The following FOXJ3 variants were observed in gnomAD, a reference collection of about 807,000 sequenced individuals.
The protein encoded by FOXJ3 is forkhead box J3, also known as forkhead box protein J3.
FOXJ3 carries 22 observed loss-of-function variants against 76.1 expected under a neutral mutation model. The observed-to-expected ratio is 0.29, with a 90% CI of 0.21 to 0.41. The LOEUF is 0.41. FOXJ3 is among the 10% of genes least tolerant of loss of function. FOXJ3 has a pLI of 1.00. For synonymous variants in FOXJ3, 269 were observed against 261.2 expected (o/e 1.03, Z -0.29); for missense variants, 613 against 762.1 (o/e 0.80, Z 2.30).
rs187045944 is a variant in FOXJ3 at position 42,207,917 on chromosome 1, A to C, written c.529-2054T>G. Among the ~76,000 whole-genome samples, 47 of 152,352 alleles carry C rather than the reference A, an allele frequency of 3.1e-4. 2 individuals carry two copies. Among genetic ancestry groups the C allele is most frequent in the Non-Finnish European group, 8.8e-5 (6 of 68,014 alleles). ...AGTTTTGGTGCCAGCCAACCAAGCT[A>C]TAATTAAGTTAACACAGAAGATTAC... On this transcript the variant is annotated intron_variant, in intron 5 of 12. Coordinates refer to ENST00000361346, the MANE Select transcript of FOXJ3 (RefSeq NM_014947.5).
intron 7 of FOXJ3, among the ~76,000 whole-genome samples, chr1:42,197,049 C>T (rs1646664838): frequency 6.6e-6 from 1 of 152,042 alleles, no homozygotes; most frequent in Non-Finnish European, 1.5e-5. Context: ...CACATGAAAA[C>T]AAGGGCAGGA....
intron 1 of FOXJ3, among the ~76,000 whole-genome samples, chr1:42,314,285 T>C (rs1221452125): frequency 6.6e-6 from 1 of 152,188 alleles, no homozygotes; most frequent in Non-Finnish European, 1.5e-5. Context: ...GTTTTCACTC[T>C]TGCTGCCCAG....
At chr1:42,301,353 G>A (rs566910910) in intron 2 of FOXJ3, among the ~76,000 whole-genome samples, 1 of 151,798 alleles carries the variant, frequency 6.6e-6, no homozygotes, top group South Asian at 2.1e-4. Flanking sequence ...ACGCCACAAT[G>A]CCCTGCTAAT....
chr1:42,316,572 A>G (rs911612071), intron 1 of FOXJ3, among the ~76,000 whole-genome samples: 2 of 151,732 alleles, frequency 1.3e-5, no homozygotes, highest in African/African-American at 4.8e-5. Context: ...GTAGCTGAAG[A>G]CTCAAGACTG....
At chr1:42,212,957 C>CAA (rs1209892066) in intron 5 of FOXJ3, among the ~76,000 whole-genome samples, 5,166 of 64,604 alleles carry the variant, frequency 0.08, 916 homozygotes, top group East Asian at 0.24. Context: ...TTGTATCTAG[C>CAA]AAAAAAAAAA....
chr1:42,311,611 T>C (rs939944355), intron 1 of FOXJ3, among the ~76,000 whole-genome samples: 4 of 147,248 alleles, frequency 2.7e-5, no homozygotes, highest in Admixed American at 6.8e-5. Flanking sequence ...TCACAAAGAT[T>C]TCATCTAAGA....
At chr1:42,257,230 A>T (rs1424779403) in intron 4 of FOXJ3, among the ~76,000 whole-genome samples, 1 of 152,260 alleles carries the variant, frequency 6.6e-6, no homozygotes, top group Non-Finnish European at 1.5e-5. Context: ...AAGAAAGATC[A>T]CAAGAATTCT....
chr1:42,191,149 C>T (rs987261380), intron 9 of FOXJ3, among the ~76,000 whole-genome samples, 154 bp downstream of exon 9: 2 of 151,874 alleles, frequency 1.3e-5, no homozygotes, highest in Non-Finnish European at 2.9e-5. Context: ...GTCGCCAGGT[C>T]AGTCTATGAA....
intron 7 of FOXJ3, among the ~76,000 whole-genome samples, chr1:42,198,372 T>C (rs980941195): frequency 5.9e-5 from 9 of 152,212 alleles, no homozygotes; most frequent in South Asian, 4.1e-4. Flanking sequence ...CCTCCCTTTA[T>C]ATCTTTGTCC....
intron 1 of FOXJ3, chr1:42,315,358 C>CT: frequency 1.1e-6 from 1 of 929,240 alleles, no homozygotes; most frequent in Non-Finnish European, 1.3e-6. Flanking sequence ...GAATAAAAAG[C>CT]TAATTTTTTT....
At chr1:42,292,839 G>A (rs1212180391) in intron 2 of FOXJ3, among the ~76,000 whole-genome samples, 1 of 152,180 alleles carries the variant, frequency 6.6e-6, no homozygotes, top group Non-Finnish European at 1.5e-5. Context: ...GGTGGCTCAC[G>A]CCTGTAATCC....
chr1:42,279,721 G>A (rs1570142608), intron 2 of FOXJ3, among the ~76,000 whole-genome samples: 1 of 151,950 alleles, frequency 6.6e-6, no homozygotes, highest in African/African-American at 2.4e-5. Flanking sequence ...TGGGATCAAA[G>A]AAGCAGGAAT....
chr1:42,274,382 G>A (rs1198778654), intron 3 of FOXJ3, among the ~76,000 whole-genome samples: 2 of 152,082 alleles, frequency 1.3e-5, no homozygotes, highest in Non-Finnish European at 2.9e-5. Context: ...AGCCAGTTGA[G>A]GGGAGTTTAT....
At chr1:42,303,407 T>G (rs1185223558) in intron 2 of FOXJ3, among the ~76,000 whole-genome samples, 2 of 152,190 alleles carry the variant, frequency 1.3e-5, no homozygotes, top group East Asian at 3.8e-4. Context: ...TACATTATCT[T>G]AAGTCTATAC....
At chr1:42,275,456 G>A (rs1335245670) in intron 3 of FOXJ3, among the ~76,000 whole-genome samples, 1 of 152,146 alleles carries the variant, frequency 6.6e-6, no homozygotes, top group Non-Finnish European at 1.5e-5. Flanking sequence ...GGCACTTTGG[G>A]AAGCAGAGGC....
chr1:42,217,709 T>C (rs1647099757), intron 5 of FOXJ3, among the ~76,000 whole-genome samples: 1 of 152,198 alleles, frequency 6.6e-6, no homozygotes, highest in Admixed American at 6.5e-5. Flanking sequence ...TGCTAGGATG[T>C]CAATTTTCTC....
intron 2 of FOXJ3, among the ~76,000 whole-genome samples, chr1:42,279,373 C>G (rs1162976832): frequency 6.6e-6 from 1 of 151,934 alleles, no homozygotes; most frequent in Non-Finnish European, 1.5e-5. Context: ...AAAAACAAGT[C>G]AAGGAACAGG....
chr1:42,181,807 T>C, intron 12 of FOXJ3, 110 bp downstream of exon 12: 1 of 651,370 alleles, frequency 1.5e-6, no homozygotes, highest in South Asian at 2.1e-5. Context: ...CTCTGGGTAA[T>C]AACTGACACA....
intron 2 of FOXJ3, among the ~76,000 whole-genome samples, chr1:42,298,738 G>A (rs1387321020): frequency 6.6e-6 from 1 of 152,000 alleles, no homozygotes; most frequent in Non-Finnish European, 1.5e-5. Flanking sequence ...GATGTATGGT[G>A]GTAGCTTGAG....
Sources: allele counts gnomAD v4.1 joint callset (sites outside exome capture counted in the v4.1 genomes callset), GRCh38; gene constraint gnomAD v4.1.1; transcripts MANE v1.5; gene names NCBI Gene and HGNC (gene_info 2026-07-23, HGNC 2026-07-21).